DCHS2: variants seen among roughly 807,000 people sequenced by gnomAD.
The protein encoded by DCHS2 is dachsous cadherin-related 2, also known as protocadherin-23.
DCHS2 carries 142 observed loss-of-function variants against 182.4 expected under a neutral mutation model. The ratio of observed to expected loss-of-function variants is 0.78; its 90% CI spans 0.68 to 0.89. The LOEUF (loss-of-function observed/expected upper bound fraction) is 0.89. Among genes scored for constraint, DCHS2 ranks in the 40% least tolerant of loss-of-function variants. The probability of loss-of-function intolerance (pLI) is 0.00; values close to 1 mark genes in which losing one functional copy is unlikely to be tolerated. For synonymous variants in DCHS2, 1,740 were observed against 1,663.3 expected (o/e 1.05, Z -1.12); for missense variants, 4,319 against 4,198.6 (o/e 1.03, Z -0.79).
At chr4:154,463,643 AG>A (rs1378248554) in intron 1 of DCHS2, among the ~76,000 whole-genome samples, 1 of 151,814 alleles carries the variant, frequency 6.6e-6, no homozygotes, top group Non-Finnish European at 1.5e-5. Context: ...CAAATAGTAC[AG>A]GCAGAGGTCA....
chr4:154,350,837 G>T (rs1729575713), intron 3 of DCHS2, among the ~76,000 whole-genome samples: 1 of 151,926 alleles, frequency 6.6e-6, no homozygotes. Flanking sequence ...TATTATTTTT[G>T]ACCTTTATTT....
At chr4:154,291,537 G>A (rs1400132444) in intron 13 of DCHS2, among the ~76,000 whole-genome samples, 1 of 152,060 alleles carries the variant, frequency 6.6e-6, no homozygotes, top group African/African-American at 2.4e-5. Flanking sequence ...AGATTTGGAA[G>A]CAACTTAAGT....
chr4:154,443,470 C>T (rs768820785), intron 1 of DCHS2, among the ~76,000 whole-genome samples: 11 of 152,194 alleles, frequency 7.2e-5, no homozygotes, highest in Non-Finnish European at 1.5e-4. Flanking sequence ...ACTGTCAATC[C>T]TGTTTCTCTT....
At chr4:154,314,807 C>T (rs7684137) in intron 10 of DCHS2, among the ~76,000 whole-genome samples, 36,544 of 151,640 alleles carry the variant, frequency 0.24, 5,352 homozygotes, top group Non-Finnish European at 0.33. Flanking sequence ...TGAACTAACA[C>T]GAATAGTTTA....
At position 154,320,918 on chromosome 4, in the gene DCHS2, A is replaced by T; in HGVS notation, c.4481T>A (p.Val1494Asp). ...HSKNLSLSST[V>D]FLSIDVEDQN... ...ATCTTCCACATCGATACTAAGGAAG[A>T]CTGTGCTACTCAGGGAAAGGTTTTT... The change falls in exon 9 of 20, where the codon GTC (valine) becomes GAC (aspartate). Residue 1494 changes from valine (V) to aspartate (D), a missense_variant. By Grantham distance (152) the Val-to-Asp change is radical (BLOSUM62 -3). Transcript: ENST00000357232. 6.2e-7 allele frequency: 1 copy of T among 1,614,082 alleles called. No homozygotes were observed. The highest frequency in any genetic ancestry group is 8.5e-7 in the Non-Finnish European group (1 of 1,179,996).
rs905020472 is a variant in DCHS2, at chr4:154,255,777, T to G, written c.6790-107A>C. On this transcript the variant is annotated intron_variant, in intron 15 of 19. Coordinates refer to ENST00000357232, the MANE Select transcript of DCHS2 (RefSeq NM_001358235.2). ...AAAGAATCACAGCTTGTCAAACATA[T>G]TTTAAAAACAACGATGAAATGAAAT... 25 of 1,398,614 alleles carry G rather than the reference T, an allele frequency of 1.8e-5. No homozygotes were observed. The African/African-American group carries it at 3.5e-4, about 20-fold the overall frequency. 86.6% of individuals were successfully genotyped at this position (1,398,614 alleles called of 1,614,324 possible).
chr4:154,274,138 A>G (rs1733724205), intron 13 of DCHS2, among the ~76,000 whole-genome samples: 1 of 152,192 alleles, frequency 6.6e-6, no homozygotes, highest in Admixed American at 6.5e-5. Flanking sequence ...CTGTCAGCCT[A>G]TCGCTGTCAG....
intron 16 of DCHS2, among the ~76,000 whole-genome samples, 190 bp downstream of exon 16, chr4:154,255,329 A>T (rs1416866691): frequency 6.6e-6 from 1 of 152,212 alleles, no homozygotes; most frequent in East Asian, 1.9e-4. Context: ...CTTTTTTCCA[A>T]ATACAAATAA....
Position 154,239,282 on chromosome 4 carries a change from T to G in DCHS2, c.7380A>C (p.Ile2460=), listed in dbSNP as rs1578839901. The change falls in exon 19 of 20, where the codon ATA becomes ATC. Residue 2460 remains isoleucine, a synonymous_variant. Coordinates refer to ENST00000357232, the MANE Select transcript of DCHS2 (RefSeq NM_001358235.2). The part of the protein sequence containing the change: ...DFYQVTVPES[I]PVGYSVLTLS... ...GAGTCAGCACTGAATACCCCACAGG[T>G]ATTGATTCAGGAACTGTGACCTGAG... 1 of 1,612,482 alleles carries G rather than the reference T, an allele frequency of 6.2e-7. No individual in the cohort carries two copies. The highest frequency in any genetic ancestry group is 8.5e-7 in the Non-Finnish European group (1 of 1,179,326).
intron 7 of DCHS2, among the ~76,000 whole-genome samples, chr4:154,326,803 A>T (rs1341212717): frequency 1.3e-5 from 2 of 152,180 alleles, no homozygotes; most frequent in African/African-American, 4.8e-5. Context: ...TTTATAAATT[A>T]AGACTGGGTA....
intron 9 of DCHS2, among the ~76,000 whole-genome samples, chr4:154,318,837 T>C (rs1037914998): frequency 3.9e-5 from 6 of 151,948 alleles, no homozygotes; most frequent in African/African-American, 1.4e-4. Context: ...GTTGTAGAAA[T>C]AGAAAAAAAT....
chr4:154,250,871 G>A (rs1732318622), intron 16 of DCHS2, among the ~76,000 whole-genome samples: 1 of 152,158 alleles, frequency 6.6e-6, no homozygotes, highest in Admixed American at 6.5e-5. Context: ...ATAATGTTTA[G>A]TTTCCACTAC....
chr4:154,490,355 C>T lies in DCHS2; in HGVS notation c.1001G>A (p.Ser334Asn), dbSNP rs1560790124. The change falls in exon 1 of 20, where the codon AGC (serine) becomes AAC (asparagine). Residue 334 changes from serine (S) to asparagine (N), a missense_variant. By Grantham distance (46) the Ser-to-Asn change is conservative. Transcript: ENST00000357232. ...DLGPNGFVRY[S>N]VRARQVPGAG... ...CCCAGGCACTTGCCGGGCGCGGACG[C>T]TGTAGCGCACGAAGCCATTGGGCCC... 2 of 1,538,842 alleles carry T rather than the reference C, an allele frequency of 1.3e-6. No homozygotes were observed. Among genetic ancestry groups the T allele is most frequent in the Non-Finnish European group, 1.7e-6 (2 of 1,145,534 alleles).
chr4:154,491,693 C>T lies in DCHS2; in HGVS notation c.-338G>A. ...TGTTCTACTCGGCTGGTTGTTCCCC[C>T]CTGGTAAAGTCAGGTGCATTATTTC... On this transcript the variant is annotated 5_prime_UTR_variant, in exon 1 of 20. Coordinates refer to ENST00000357232, the MANE Select transcript of DCHS2 (RefSeq NM_001358235.2). 1.8e-6 allele frequency: 2 copies of T among 1,135,088 alleles called. No homozygotes were observed. Among genetic ancestry groups the T allele is most frequent in the East Asian group, 4.7e-5 (1 of 21,200 alleles). The allele number at this position is 1,135,088 out of a possible 1,614,324, so 70.3% of individuals were successfully genotyped here.
chr4:154,430,786 C>T (rs1413861425), intron 1 of DCHS2, among the ~76,000 whole-genome samples: 1 of 152,134 alleles, frequency 6.6e-6, no homozygotes, highest in African/African-American at 2.4e-5. Context: ...CATCTTTTCA[C>T]TCTAAATTCC....
intron 16 of DCHS2, among the ~76,000 whole-genome samples, chr4:154,251,338 G>T (rs963082156): frequency 5.3e-5 from 8 of 152,154 alleles, no homozygotes; most frequent in Non-Finnish European, 7.3e-5. Flanking sequence ...GTTCTACCAT[G>T]TACTAGCTTC....
intron 13 of DCHS2, among the ~76,000 whole-genome samples, chr4:154,287,723 C>A (rs1734468850): frequency 6.6e-6 from 1 of 152,058 alleles, no homozygotes; most frequent in Admixed American, 6.6e-5. Flanking sequence ...CTCAAGTGAT[C>A]CACCTGCCTC....
chr4:154,409,201 G>T (rs1439466064), intron 1 of DCHS2, among the ~76,000 whole-genome samples: 2 of 152,142 alleles, frequency 1.3e-5, no homozygotes, highest in Admixed American at 1.3e-4. Context: ...AGTCCAGGGA[G>T]TGGAGTCATT....
intron 1 of DCHS2, among the ~76,000 whole-genome samples, chr4:154,409,815 C>T (rs991580446): frequency 6.6e-6 from 1 of 152,162 alleles, no homozygotes; most frequent in African/African-American, 2.4e-5. Context: ...TCCCAAAAGC[C>T]CTCACCTCTG....
Sources: allele counts gnomAD v4.1 joint callset (sites outside exome capture counted in the v4.1 genomes callset), GRCh38; gene constraint gnomAD v4.1.1; transcripts MANE v1.5; gene names NCBI Gene and HGNC (gene_info 2026-07-23, HGNC 2026-07-21).